UBAC2: variants seen among roughly 807,000 people sequenced by gnomAD.
UBAC2 encodes the protein ubiquitin-associated domain-containing protein 2.
UBAC2 carries 26 observed loss-of-function variants against 44.0 expected under a neutral mutation model. That is an observed-to-expected ratio of 0.59 (90% CI 0.43 to 0.82). UBAC2 has a LOEUF of 0.82. Ranked by LOEUF, UBAC2 falls within the 40% of genes least tolerant of loss-of-function variation. The probability of loss-of-function intolerance (pLI) is 0.00; values close to 1 mark genes in which losing one functional copy is unlikely to be tolerated. For missense variants in UBAC2, 329 were observed against 419.4 expected, an observed-to-expected ratio of 0.78 and a Z score of 1.88; for synonymous variants, 155 against 154.3, an observed-to-expected ratio of 1.00 and a Z score of -0.04.
chr13:99,308,554 CTT>C (rs1191776845), intron 4 of UBAC2: 1 of 152,118 alleles, frequency 6.6e-6, no homozygotes. Context: ...CTTGAGTAAA[CTT>C]GATGATTTTG....
intron 6 of UBAC2, among the ~76,000 whole-genome samples, chr13:99,339,709 TCTG>T (rs1431255391): frequency 2.6e-5 from 4 of 152,184 alleles, no homozygotes; most frequent in East Asian, 3.8e-4. Context: ...CCTTGAGACT[TCTG>T]TAACCATACA....
chr13:99,202,905 C>T (rs1346809584), intron 1 of UBAC2, among the ~76,000 whole-genome samples: 2 of 152,184 alleles, frequency 1.3e-5, no homozygotes, highest in Non-Finnish European at 2.9e-5. Context: ...GCTTACAGTG[C>T]TGACGGAGCT....
At chr13:99,315,713 A>G (rs1277753581) in intron 5 of UBAC2, among the ~76,000 whole-genome samples, 1 of 152,222 alleles carries the variant, frequency 6.6e-6, no homozygotes, top group Non-Finnish European at 1.5e-5. Context: ...ATCTGAACAG[A>G]TAATAAGAGT....
chr13:99,306,347 A>G (rs917142659), intron 4 of UBAC2, among the ~76,000 whole-genome samples: 4 of 152,164 alleles, frequency 2.6e-5, no homozygotes, highest in Non-Finnish European at 5.9e-5. Context: ...TGGCAGTAGT[A>G]ATACTCCCCA....
intron 6 of UBAC2, among the ~76,000 whole-genome samples, chr13:99,326,312 T>C (rs1158867673): frequency 6.6e-6 from 1 of 152,224 alleles, no homozygotes; most frequent in Non-Finnish European, 1.5e-5. Flanking sequence ...CATTTTTTCA[T>C]GTACCTATTG....
Position 99,295,257 on chromosome 13 carries a change from T to C in UBAC2, c.390-18840T>C. 1.2e-6 allele frequency: 2 copies of C among 1,614,156 alleles called. No individual in the cohort carries two copies. The highest frequency in any genetic ancestry group is 1.7e-6 in the Non-Finnish European group (2 of 1,180,008). On this transcript the variant is annotated intron_variant, in intron 4 of 8. Transcript: ENST00000403766. This position sits in a 1 kb window ranked among gnomAD's most constrained non-coding sequence, Gnocchi z 4.1. ...GGGTCCATGCAGCAATTGAAGTTCA[T>C]CAGGCATACTGTAAAGTGCAGAGAA... is the stretch of plus-strand genomic sequence containing the variant.
chr13:99,306,217 A>G lies in UBAC2; in HGVS notation c.390-7880A>G, dbSNP rs544185739. Among the ~76,000 whole-genome samples the G allele has an allele frequency of 2.6e-5, 4 of 152,262 alleles. No homozygotes were observed. The South Asian group carries it at 8.3e-4, about 32-fold the overall frequency. Reference sequence around the variant, plus strand: ...AGCCTGATTCAGGGTCTTTATGTAAAATATCCATAACATATCTGTTGGATT... The same window carrying G: ...AGCCTGATTCAGGGTCTTTATGTAAGATATCCATAACATATCTGTTGGATT... On this transcript the variant is annotated intron_variant, in intron 4 of 8. Coordinates refer to ENST00000403766, the MANE Select transcript of UBAC2 (RefSeq NM_001144072.2).
chr13:99,329,117 ATTTCTT>A (rs1190567964), intron 6 of UBAC2, among the ~76,000 whole-genome samples: 2 of 152,156 alleles, frequency 1.3e-5, no homozygotes, highest in African/African-American at 4.8e-5. Context: ...GTATAGGTTT[ATTTCTT>A]GACTCTTTTC....
intron 4 of UBAC2, among the ~76,000 whole-genome samples, chr13:99,304,055 G>A (rs969495813): frequency 1.3e-5 from 2 of 152,080 alleles, no homozygotes; most frequent in African/African-American, 2.4e-5. Context: ...GCTCTCAAAC[G>A]GGGCCCATCC....
At chr13:99,203,504 G>A (rs768584608) in intron 1 of UBAC2, among the ~76,000 whole-genome samples, 5 of 152,142 alleles carry the variant, frequency 3.3e-5, no homozygotes, top group African/African-American at 7.2e-5. Context: ...TGTTTCCCAC[G>A]TTTTGTGGTT....
chr13:99,269,835 A>G (rs1269486868), intron 4 of UBAC2, among the ~76,000 whole-genome samples: 1 of 152,232 alleles, frequency 6.6e-6, no homozygotes, highest in African/African-American at 2.4e-5. Flanking sequence ...TGGCAGTGTT[A>G]CATAGAACTT....
intron 1 of UBAC2, among the ~76,000 whole-genome samples, chr13:99,223,506 G>A (rs189566964): frequency 1.8e-5 from 2 of 110,122 alleles, no homozygotes; most frequent in Admixed American, 1.7e-4. Context: ...ATATCTGCTT[G>A]CTTAGGTTTT....
chr13:99,316,119 T>C (rs1299456640), intron 5 of UBAC2, among the ~76,000 whole-genome samples: 1 of 152,086 alleles, frequency 6.6e-6, no homozygotes, highest in Non-Finnish European at 1.5e-5. Flanking sequence ...TTCCAATATT[T>C]TTGTAATATT....
chr13:99,209,647 GTAT>G (rs1413424146), intron 1 of UBAC2, among the ~76,000 whole-genome samples: 1 of 152,174 alleles, frequency 6.6e-6, no homozygotes, highest in African/African-American at 2.4e-5. Context: ...TTTGGGGGCT[GTAT>G]TATTGAAACT....
chr13:99,215,853 A>G (rs888559339), intron 1 of UBAC2: 3 of 507,210 alleles, frequency 5.9e-6, no homozygotes, highest in Non-Finnish European at 1.1e-5. Context: ...ACCGTGATTC[A>G]AACTGCCCTT....
intron 1 of UBAC2, chr13:99,215,445 A>AT (rs1310396122): frequency 1.1e-5 from 15 of 1,367,824 alleles, no homozygotes; most frequent in African/African-American, 2.9e-5. Context: ...ACCACCAGCA[A>AT]TTGTAGCCTT....
chr13:99,313,841 A>G (rs4772187), intron 4 of UBAC2, among the ~76,000 whole-genome samples: 15,240 of 152,270 alleles, frequency 0.1, 917 homozygotes, highest in South Asian at 0.28. Context: ...CTTTTCTCAC[A>G]CTTAGTAGGT....
intron 4 of UBAC2, chr13:99,256,439 C>G (rs1326643533): frequency 1.3e-5 from 2 of 152,052 alleles, no homozygotes; most frequent in African/African-American, 4.8e-5. Flanking sequence ...TTCTAGTGCA[C>G]AATTGGGAGT....
At chr13:99,320,016 G>A (rs1470643070) in intron 6 of UBAC2, among the ~76,000 whole-genome samples, 2 of 152,130 alleles carry the variant, frequency 1.3e-5, no homozygotes, top group Non-Finnish European at 2.9e-5. Flanking sequence ...TATTGTATAC[G>A]ATTTCATTGT....
Sources: gnomAD v4.1 joint callset for allele counts (sites outside exome capture counted in the v4.1 genomes callset) on GRCh38, gnomAD v4.1.1 for gene constraint, Gnocchi (gnomAD v3.1) non-coding constraint, MANE v1.5 for transcripts, NCBI Gene and HGNC (gene_info 2026-07-23, HGNC 2026-07-21) for gene names.